Variants in SIK3 observed in about 807,000 individuals in gnomAD.
SIK3 encodes the protein serine/threonine-protein kinase SIK3.
A neutral mutation model predicts 144.2 loss-of-function variants in SIK3; 28 were observed. The ratio of observed to expected loss-of-function variants is 0.19; its 90% CI spans 0.14 to 0.27. The LOEUF is 0.27. SIK3 is among the 10% of genes least tolerant of loss of function. SIK3 has a pLI of 1.00. For missense variants in SIK3, 1,319 were observed against 1,776.0 expected (o/e 0.74, Z 4.62); for synonymous variants, 686 against 676.3 (o/e 1.01, Z -0.22).
At chr11:116,924,423 G>A (rs981001728) in intron 4 of SIK3, among the ~76,000 whole-genome samples, 1 of 152,058 alleles carries the variant, frequency 6.6e-6, no homozygotes, top group African/African-American at 2.4e-5. Flanking sequence ...AATAAAACTA[G>A]AGAATATAAA....
At chr11:116,913,893 A>G (rs1419638409) in intron 4 of SIK3, among the ~76,000 whole-genome samples, 1 of 150,202 alleles carries the variant, frequency 6.7e-6, no homozygotes, top group Non-Finnish European at 1.5e-5. Context: ...GTGTCTCAAA[A>G]AAACAAACAA....
intron 4 of SIK3, among the ~76,000 whole-genome samples, chr11:116,912,005 C>T (rs974012640): frequency 7.9e-5 from 12 of 152,250 alleles, no homozygotes; most frequent in Non-Finnish European, 1.3e-4. Flanking sequence ...ATGAGTGGAG[C>T]GAAGTTGGTC....
At chr11:116,938,211 A>G (rs1172867706) in intron 3 of SIK3, among the ~76,000 whole-genome samples, 1 of 1,544 alleles carries the variant, frequency 6.5e-4, no homozygotes, top group Non-Finnish European at 1.2e-3. Flanking sequence ...TCTAGAGGGG[A>G]GGGGAGGGGA....
At chr11:116,908,931 T>C (rs1005990548) in intron 4 of SIK3, among the ~76,000 whole-genome samples, 6 of 152,174 alleles carry the variant, frequency 3.9e-5, no homozygotes, top group African/African-American at 1.4e-4. Flanking sequence ...TGTTTAAGAG[T>C]ATACCAGGAT....
intron 1 of SIK3, among the ~76,000 whole-genome samples, chr11:117,026,415 T>C (rs1952013100): frequency 6.6e-6 from 1 of 152,166 alleles, no homozygotes; most frequent in Admixed American, 6.5e-5. Context: ...GTGACTATAC[T>C]TGCATTCTAC....
intron 16 of SIK3, 131 bp from the exon 17 acceptor site, chr11:116,862,458 G>T: frequency 9.0e-7 from 1 of 1,112,404 alleles, no homozygotes; most frequent in Non-Finnish European, 1.3e-6. Flanking sequence ...TCCTTGATGA[G>T]CAATTAACTC....
intron 6 of SIK3, among the ~76,000 whole-genome samples, chr11:116,890,912 T>C (rs898642799): frequency 3.9e-5 from 6 of 152,236 alleles, no homozygotes; most frequent in Non-Finnish European, 7.3e-5. Context: ...TATGTCATTG[T>C]TTCTGAAATA....
chr11:116,868,088 A>G lies in SIK3; in HGVS notation c.1810T>C (p.Tyr604His). The G allele has an allele frequency of 6.4e-7, 1 of 1,550,642 alleles. No individual in the cohort carries two copies. The highest frequency in any genetic ancestry group is 8.7e-7 in the Non-Finnish European group (1 of 1,147,002). Residue 604 changes from tyrosine to histidine, a missense_variant and splice_region_variant, in exon 15 of 25, where the codon TAC (tyrosine) becomes CAC (histidine). Around this residue, in one of 8 missense-constraint regions of SIK3, gnomAD observed 167 missense variants for 263.3 expected, o/e 0.63. Coordinates refer to ENST00000445177, the MANE Select transcript of SIK3 (RefSeq NM_001366686.3). ...GEPDQEAVQR[Y>H]LANRSKRHTL... ...TGTCTTTTGGACCTATTTGCCAAGTACCTGCAACAAGCAGGAGCACATTTC... is the reference window on the plus strand; with the variant it reads ...TGTCTTTTGGACCTATTTGCCAAGTGCCTGCAACAAGCAGGAGCACATTTC...
chr11:116,932,957 G>A (rs1195982343), intron 3 of SIK3, among the ~76,000 whole-genome samples: 1 of 151,822 alleles, frequency 6.6e-6, no homozygotes, highest in African/African-American at 2.4e-5. Context: ...ATTATTTAGA[G>A]GTAGGGTTTC....
intron 12 of SIK3, 26 bp from the exon 13 acceptor site, chr11:116,873,662 G>A (rs760731444): frequency 1.1e-5 from 17 of 1,526,260 alleles, no homozygotes; most frequent in Admixed American, 6.8e-5. Context: ...TGGGGAGGAC[G>A]GACCATGAGA....
rs1951138800 is a variant in SIK3, at chr11:117,008,568, G to A, written c.274-51504C>T. Among the ~76,000 whole-genome samples the A allele has an allele frequency of 2.0e-5, 3 of 152,166 alleles. No individual in the cohort carries two copies. In the South Asian group the frequency reaches 6.2e-4, roughly 31 times the overall value. ...CAATTAAGGACACAGGGTACTATAT[G>A]TATATTTGATTAAAAGCTTTCTCTG... On this transcript the variant is annotated intron_variant, in intron 1 of 24. Coordinates refer to ENST00000445177, the MANE Select transcript of SIK3 (RefSeq NM_001366686.3).
chr11:116,853,769 ATGG>A (rs1565360139), intron 21 of SIK3, among the ~76,000 whole-genome samples: 2 of 152,196 alleles, frequency 1.3e-5, no homozygotes, highest in Non-Finnish European at 2.9e-5. Flanking sequence ...TGGTAATCTC[ATGG>A]TGTAGATTGG....
At chr11:116,898,862 T>C (rs1409587865) in intron 4 of SIK3, among the ~76,000 whole-genome samples, 2 of 151,268 alleles carry the variant, frequency 1.3e-5, no homozygotes, top group African/African-American at 4.9e-5. Context: ...TTGTAGATTC[T>C]GGATATTAGC....
intron 4 of SIK3, among the ~76,000 whole-genome samples, chr11:116,910,421 A>C (rs1222747045): frequency 1.3e-5 from 2 of 151,820 alleles, no homozygotes; most frequent in African/African-American, 2.4e-5. Context: ...ATTTTTTTTT[A>C]AGAATCTATT....
intron 1 of SIK3, among the ~76,000 whole-genome samples, chr11:116,996,315 A>C (rs866906856): frequency 3.9e-4 from 60 of 152,112 alleles, no homozygotes; most frequent in African/African-American, 1.4e-3. Context: ...CTCCAAAAAA[A>C]ATAGAAGAAG....
At chr11:117,087,013 A>T (rs1447316387) in intron 1 of SIK3, among the ~76,000 whole-genome samples, 2 of 151,526 alleles carry the variant, frequency 1.3e-5, no homozygotes, top group African/African-American at 2.4e-5. Context: ...AAAAAAAAAA[A>T]ATCAATGGTT....
chr11:116,929,760 AACTTTC>A (rs1203113602), intron 3 of SIK3, among the ~76,000 whole-genome samples: 1 of 152,254 alleles, frequency 6.6e-6, no homozygotes, highest in Non-Finnish European at 1.5e-5. Context: ...CATACGTTAA[AACTTTC>A]ACTTTCAAAG....
At position 116,846,468 on chromosome 11, in the gene SIK3, C is replaced by T. The variant is rs761806361; in HGVS notation, c.4038G>A (p.Thr1346=). ...AGCTGAGCAGAATGTCTGTAATACA[C>T]GTAGATGGATAGCAAGAGGAGTTTA... ...QHLNSSCYPS[T]CITDILLSYK... Residue 1346 remains threonine (T), a synonymous_variant, in exon 24 of 25, where the codon ACG becomes ACA. Transcript: ENST00000445177. This position sits in a 1 kb window ranked among gnomAD's most constrained non-coding sequence, Gnocchi z 4.1. 33 of 1,614,082 alleles carry T rather than the reference C, an allele frequency of 2.0e-5. No homozygotes were observed. Among genetic ancestry groups the T allele is most frequent in the South Asian group, 7.7e-5 (7 of 91,090 alleles).
rs373973987 is a variant in SIK3 at position 116,916,559 on chromosome 11, G to A, written c.616+10660C>T. On this transcript the variant is annotated intron_variant, in intron 4 of 24. Coordinates refer to ENST00000445177, the MANE Select transcript of SIK3 (RefSeq NM_001366686.3). ...AGAGTCTTGCTCTGTCGCCCAGGCT[G>A]GAGTGCAGTGGCGCAATCTCAGCTC... Among the ~76,000 whole-genome samples, 29 of 147,628 alleles carry A rather than the reference G, an allele frequency of 2.0e-4. 3 individuals carry two copies. Among genetic ancestry groups the A allele is most frequent in the Admixed American group, 1.4e-3 (20 of 14,640 alleles).
Sources: gnomAD v4.1 joint callset for allele counts (sites outside exome capture counted in the v4.1 genomes callset) on GRCh38, gnomAD v4.1.1 for gene constraint, gnomAD v4.1.1 regional missense constraint, Gnocchi (gnomAD v3.1) non-coding constraint, MANE v1.5 for transcripts, NCBI Gene and HGNC (gene_info 2026-07-23, HGNC 2026-07-21) for gene names.